Variants in RASA3 observed in about 807,000 individuals in gnomAD.
The protein encoded by RASA3 is RAS p21 protein activator 3.
RASA3 carries 73 observed loss-of-function variants against 110.0 expected under a neutral mutation model. That is an observed-to-expected ratio of 0.66 (90% CI 0.55 to 0.81). The LOEUF (loss-of-function observed/expected upper bound fraction) is 0.81, where lower values mean the gene tolerates loss of function less well. RASA3 is among the 30% of genes least tolerant of loss of function. The pLI is 0.00. For synonymous variants in RASA3, 500 were observed against 451.4 expected, an observed-to-expected ratio of 1.11 and a Z score of -1.37; for missense variants, 976 against 1,113.2, an observed-to-expected ratio of 0.88 and a Z score of 1.75.
At chr13:114,036,598 C>T (rs1375165680) in intron 4 of RASA3, among the ~76,000 whole-genome samples, 1 of 152,064 alleles carries the variant, frequency 6.6e-6, no homozygotes, top group Non-Finnish European at 1.5e-5. Context: ...AGTGCAATGG[C>T]GCGATCTCAG....
chr13:114,018,783 A>C lies in RASA3; in HGVS notation c.922T>G (p.Leu308Val), dbSNP rs866042021. Residue 308 changes from leucine (L) to valine (V), a missense_variant, in exon 10 of 24, where the codon TTG becomes GTG. Around this residue, in one of 4 missense-constraint regions of RASA3, gnomAD observed 732 missense variants for 779.7 expected, o/e 0.94. Coordinates refer to ENST00000334062, the MANE Select transcript of RASA3 (RefSeq NM_007368.4). ...DYYSPLRDLL[L>V]KSADVEPVSA... is the part of the protein sequence containing the mutation. ...AGCACCTCCACATCCGCAGACTTCA[A>C]CAGCAGGTCCCGCAGAGGGCTGTAA... 3 of 1,613,426 alleles carry C rather than the reference A, an allele frequency of 1.9e-6. No individual in the cohort carries two copies. In the Admixed American group the frequency reaches 5.0e-5, roughly 27 times the overall value.
rs1231721927 is a variant in RASA3 at position 114,048,178 on chromosome 13, G to A, written c.277+3874C>T. On this transcript the variant is annotated intron_variant, in intron 3 of 23. Transcript: ENST00000334062. This position sits in a 1 kb window ranked among gnomAD's most constrained non-coding sequence, Gnocchi z 4.3. Reference sequence around the variant, plus strand: ...AAAATACAAAAAATTAGCCGGGCGTGGTGGCGGGCGCCTGTAGTCCCAGCT... The same window carrying A: ...AAAATACAAAAAATTAGCCGGGCGTAGTGGCGGGCGCCTGTAGTCCCAGCT... 1.3e-5 allele frequency among the ~76,000 whole-genome samples: 2 copies of A among 152,260 alleles called. No individual in the cohort carries two copies. Among genetic ancestry groups the A allele is most frequent in the South Asian group, 2.1e-4 (1 of 4,824 alleles).
chr13:114,110,020 C>T (rs9590440), intron 1 of RASA3, among the ~76,000 whole-genome samples: 11,895 of 152,258 alleles, frequency 0.078, 538 homozygotes, highest in Middle Eastern at 0.22. Context: ...CAGTGAGAGC[C>T]GTGAAACACA....
chr13:114,000,678 A>G, intron 19 of RASA3, 148 bp downstream of exon 19: 1 of 629,452 alleles, frequency 1.6e-6, no homozygotes, highest in South Asian at 1.9e-5. Context: ...GAGAACCAGA[A>G]GCAGAGGGCT....
chr13:114,075,257 G>T (rs2079649492), intron 1 of RASA3, among the ~76,000 whole-genome samples: 1 of 152,190 alleles, frequency 6.6e-6, no homozygotes, highest in African/African-American at 2.4e-5. Flanking sequence ...CGTCAACTCA[G>T]CAAGCGCACA....
chr13:114,109,583 G>A (rs931689796), intron 1 of RASA3, among the ~76,000 whole-genome samples: 23 of 152,212 alleles, frequency 1.5e-4, no homozygotes, highest in Admixed American at 9.8e-4. Context: ...TGAGGGCCGC[G>A]GAGAGGAGAA....
At chr13:113,990,894 C>T (rs1467464232) in intron 22 of RASA3, among the ~76,000 whole-genome samples, 2 of 152,248 alleles carry the variant, frequency 1.3e-5, no homozygotes, top group African/African-American at 4.8e-5. Flanking sequence ...GTGTATGTGC[C>T]TGTGTGTTAG....
intron 1 of RASA3, among the ~76,000 whole-genome samples, chr13:114,079,256 T>C (rs1486681319): frequency 6.6e-6 from 1 of 152,130 alleles, no homozygotes; most frequent in African/African-American, 2.4e-5. Context: ...ATCACGGCGT[T>C]TTACTCAACT....
intron 21 of RASA3, among the ~76,000 whole-genome samples, chr13:113,993,728 A>G (rs962630640): frequency 6.7e-6 from 1 of 149,194 alleles, no homozygotes; most frequent in Admixed American, 6.7e-5. Context: ...GAATCGCTTG[A>G]ACCTGGAAGG....
At chr13:114,050,885 G>A (rs1007492531) in intron 3 of RASA3, among the ~76,000 whole-genome samples, 2 of 152,238 alleles carry the variant, frequency 1.3e-5, no homozygotes, top group Non-Finnish European at 2.9e-5. Flanking sequence ...CAAGCACTGG[G>A]AATGGATCAG....
intron 15 of RASA3, among the ~76,000 whole-genome samples, chr13:114,012,727 A>G (rs111174343): frequency 1.6e-5 from 2 of 121,948 alleles, no homozygotes; most frequent in Non-Finnish European, 1.7e-5. Context: ...CCCATTCCAC[A>G]CACACTCCCC....
intron 3 of RASA3, among the ~76,000 whole-genome samples, chr13:114,046,322 A>G (rs1446863650): frequency 3.9e-5 from 6 of 152,180 alleles, no homozygotes; most frequent in Admixed American, 3.3e-4. Context: ...GTGGTGGAAG[A>G]AAACAGTTTT....
chr13:113,996,448 C>T lies in RASA3; in HGVS notation c.2141+83G>A. Reference sequence around the variant, plus strand: ...TGTGCAGCTTACAGGCAGGCATGCACTGTCTGCTGGTCCCTCCCTACTCAG... The same window carrying T: ...TGTGCAGCTTACAGGCAGGCATGCATTGTCTGCTGGTCCCTCCCTACTCAG... On this transcript the variant is annotated intron_variant, in intron 21 of 23. Transcript: ENST00000334062. The T allele has an allele frequency of 2.2e-6, 3 of 1,355,272 alleles. No individual in the cohort carries two copies. The South Asian group carries it at 4.0e-5, about 18-fold the overall frequency. 84.0% of individuals were successfully genotyped at this position (1,355,272 alleles called of 1,614,324 possible).
chr13:114,061,975 G>A (rs192024042), intron 2 of RASA3, among the ~76,000 whole-genome samples: 218 of 152,262 alleles, frequency 1.4e-3, no homozygotes, highest in African/African-American at 5.0e-3. Flanking sequence ...GACATGGTGG[G>A]CAGGGGGCTC....
intron 4 of RASA3, among the ~76,000 whole-genome samples, chr13:114,035,313 GCCTGGACGCTGCACTGAGGTC>G (rs1242489781): frequency 6.6e-6 from 1 of 152,222 alleles, no homozygotes; most frequent in Non-Finnish European, 1.5e-5. Context: ...CCTGGCACCT[GCCTGGACGCTGCACTGAGGTC>G]CCTGGCGCTG....
chr13:114,056,664 C>T lies in RASA3; in HGVS notation c.174-4509G>A, dbSNP rs61973901. The T allele has an allele frequency of 0.41, 402,740 of 984,150 alleles. 83,615 individuals carry two copies. The highest frequency in any genetic ancestry group is 0.46 in the Middle Eastern group (885 of 1,914). 61.0% of individuals were successfully genotyped at this position (984,150 alleles called of 1,614,324 possible). On this transcript the variant is annotated intron_variant, in intron 2 of 23. Coordinates refer to ENST00000334062, the MANE Select transcript of RASA3 (RefSeq NM_007368.4). This position sits in a 1 kb window ranked among gnomAD's most constrained non-coding sequence, Gnocchi z 5.7. ...GCTTCTGGTGGTGCTGACAGCTGTC[C>T]GTGGAAATTGAGGTGCTTAAAATTC...
chr13:114,056,411 G>A lies in RASA3; in HGVS notation c.174-4256C>T. On this transcript the variant is annotated intron_variant, in intron 2 of 23. Transcript: ENST00000334062. This position sits in a 1 kb window ranked among gnomAD's most constrained non-coding sequence, Gnocchi z 5.7. ...ACTTCCTCACCACCCTGATGCACAGGGTGGGAAACCGAGGCACTCCAACAT... is the reference window on the plus strand; with the variant it reads ...ACTTCCTCACCACCCTGATGCACAGAGTGGGAAACCGAGGCACTCCAACAT... 1 of 976,864 alleles carries A rather than the reference G, an allele frequency of 1.0e-6. No homozygotes were observed. The highest frequency in any genetic ancestry group is 1.2e-6 in the Non-Finnish European group (1 of 822,200). The allele number at this position is 976,864 out of a possible 1,614,324, so 60.5% of individuals were successfully genotyped here.
chr13:114,049,472 A>G (rs1207421977), intron 3 of RASA3, among the ~76,000 whole-genome samples: 1 of 152,246 alleles, frequency 6.6e-6, no homozygotes, highest in Non-Finnish European at 1.5e-5. Context: ...TTCAGAGCAT[A>G]TAACTCCAGA....
At chr13:114,001,000 AC>A (rs958775086) in intron 18 of RASA3, 68 bp from the exon 19 acceptor site, 17 of 1,002,966 alleles carry the variant, frequency 1.7e-5, no homozygotes, top group Non-Finnish European at 2.5e-5. Flanking sequence ...GAAAAACCAC[AC>A]CCCCCACTTT....
Sources: allele counts gnomAD v4.1 joint callset (sites outside exome capture counted in the v4.1 genomes callset), GRCh38; gene constraint gnomAD v4.1.1; regional missense constraint gnomAD v4.1.1; non-coding constraint Gnocchi (gnomAD v3.1); transcripts MANE v1.5; gene names NCBI Gene and HGNC (gene_info 2026-07-23, HGNC 2026-07-21).